The following RAC2 variants were observed in gnomAD, a reference collection of about 807,000 sequenced individuals.
RAC2 encodes the protein Rac family small GTPase 2, also known as ras-related C3 botulinum toxin substrate 2.
Under a neutral mutation model 24.0 loss-of-function variants are expected in RAC2, and 1 was observed. That is an observed-to-expected ratio of 0.04 (90% CI 0.01 to 0.20). The LOEUF is 0.20. RAC2 is among the 10% of genes least tolerant of loss of function. RAC2 has a pLI of 1.00. For missense variants in RAC2, 130 were observed against 259.1 expected, an observed-to-expected ratio of 0.50 and a Z score of 3.42; for synonymous variants, 114 against 106.8, an observed-to-expected ratio of 1.07 and a Z score of -0.41.
In RAC2 at chr22:37,231,203, A is replaced by AT; in HGVS notation, c.448+27dup. On this transcript the variant is annotated intron_variant, in intron 5 of 6. Transcript: ENST00000249071. The surrounding 1 kb of genome is among the most constrained non-coding windows in gnomAD (Gnocchi z 5.5). ...AAGTCAGGGCCTCCCCTGCAGCCAGATCGCCCCTCTGAGCCCGAGGCCCAT... is the reference window on the plus strand; with the variant it reads ...AAGTCAGGGCCTCCCCTGCAGCCAGATTCGCCCCTCTGAGCCCGAGGCCCAT... 1 of 1,612,352 alleles carries AT rather than the reference A, an allele frequency of 6.2e-7. No homozygotes were observed. Among genetic ancestry groups the AT allele is most frequent in the Non-Finnish European group, 8.5e-7 (1 of 1,179,884 alleles).
At chr22:37,226,862 A>C in intron 5 of RAC2, 59 bp from the exon 6 acceptor site, 1 of 1,597,314 alleles carries the variant, frequency 6.3e-7, no homozygotes, top group East Asian at 2.2e-5. Context: ...GTTCTGGGCC[A>C]ACATGTCTCC....
chr22:37,238,912 C>T (rs895141388), intron 2 of RAC2, among the ~76,000 whole-genome samples: 1 of 152,214 alleles, frequency 6.6e-6, no homozygotes, highest in Non-Finnish European at 1.5e-5. Context: ...TCATGGCTGG[C>T]AGCATGGGGA....
intron 5 of RAC2, among the ~76,000 whole-genome samples, chr22:37,228,224 G>A (rs1926944186): frequency 6.6e-6 from 1 of 152,188 alleles, no homozygotes; most frequent in South Asian, 2.1e-4. Context: ...GCCCAGCTGG[G>A]GGCCTTCTGG....
intron 5 of RAC2, 38 bp from the exon 6 acceptor site, chr22:37,226,841 TGG>T (rs751759377): frequency 0.14 from 219,365 of 1,591,980 alleles, 16,672 homozygotes; most frequent in East Asian, 0.28. Flanking sequence ...AAGGCCTAAG[TGG>T]CGGGGGGGGT....
intron 2 of RAC2, among the ~76,000 whole-genome samples, chr22:37,235,092 T>TA (rs1927185715): frequency 6.6e-6 from 1 of 152,096 alleles, no homozygotes; most frequent in Non-Finnish European, 1.5e-5. Flanking sequence ...GGAAGGGAAT[T>TA]AAACCACCTC....
At chr22:37,239,911 T>C (rs1259155251) in intron 2 of RAC2, among the ~76,000 whole-genome samples, 1 of 152,170 alleles carries the variant, frequency 6.6e-6, no homozygotes, top group Non-Finnish European at 1.5e-5. Flanking sequence ...CGTTTGATAG[T>C]TGATGGTGAG....
At chr22:37,230,777 G>A (rs1476114086) in intron 5 of RAC2, among the ~76,000 whole-genome samples, 1 of 152,090 alleles carries the variant, frequency 6.6e-6, no homozygotes, top group African/African-American at 2.4e-5. Flanking sequence ...CCTCCTCCAG[G>A]AAGCCTTCCC....
At chr22:37,236,236 A>G (rs1927218014) in intron 2 of RAC2, among the ~76,000 whole-genome samples, 1 of 152,160 alleles carries the variant, frequency 6.6e-6, no homozygotes, top group Admixed American at 6.5e-5. Context: ...AAGCAGTCTC[A>G]TTTTCCATGT....
At chr22:37,229,968 C>T (rs1279199646) in intron 5 of RAC2, among the ~76,000 whole-genome samples, 2 of 151,996 alleles carry the variant, frequency 1.3e-5, no homozygotes, top group East Asian at 3.9e-4. Flanking sequence ...AGGCCACAGG[C>T]TGGAGAGCTG....
At chr22:37,242,067 T>C (rs1927415031) in intron 1 of RAC2, among the ~76,000 whole-genome samples, 1 of 152,214 alleles carries the variant, frequency 6.6e-6, no homozygotes, top group African/African-American at 2.4e-5. Flanking sequence ...GACAAGTCAC[T>C]TAACCTGCCT....
chr22:37,234,664 C>A (rs1453484653), intron 2 of RAC2, among the ~76,000 whole-genome samples: 1 of 152,178 alleles, frequency 6.6e-6, no homozygotes, highest in Non-Finnish European at 1.5e-5. Flanking sequence ...CTCACACTGC[C>A]CACCTCCCTG....
At chr22:37,240,831 G>A (rs962758193) in intron 2 of RAC2, 1 of 591,894 alleles carries the variant, frequency 1.7e-6, no homozygotes, top group Admixed American at 2.9e-5. Flanking sequence ...AAAGCACTAT[G>A]GGGAGAGAGA....
At chr22:37,234,176 C>A (rs945573779) in intron 2 of RAC2, among the ~76,000 whole-genome samples, 2 of 152,264 alleles carry the variant, frequency 1.3e-5, no homozygotes. Context: ...CCTGCCCCCA[C>A]AGCTGGCGGA....
chr22:37,227,704 C>A lies in RAC2; in HGVS notation c.449-901G>T, dbSNP rs376371247. On this transcript the variant is annotated intron_variant, in intron 5 of 6. Coordinates refer to ENST00000249071, the MANE Select transcript of RAC2 (RefSeq NM_002872.5). Reference sequence around the variant, plus strand: ...ATACACCCCTCCATGCCGTACACCCCCTCCCAAGCCATACAACTGAACACC... The same window carrying A: ...ATACACCCCTCCATGCCGTACACCCACTCCCAAGCCATACAACTGAACACC... Among the ~76,000 whole-genome samples the A allele has an allele frequency of 3.3e-5, 5 of 149,872 alleles. No individual in the cohort carries two copies. In the East Asian group the frequency reaches 5.9e-4, roughly 18 times the overall value.
intron 3 of RAC2, 66 bp from the exon 4 acceptor site, chr22:37,232,060 C>T (rs749434290): frequency 1.6e-4 from 249 of 1,509,624 alleles, no homozygotes; most frequent in Middle Eastern, 6.9e-4. Flanking sequence ...TGGCAGCCAC[C>T]GAGAGGTGGA....
At chr22:37,230,370 T>A (rs1927020984) in intron 5 of RAC2, among the ~76,000 whole-genome samples, 1 of 151,994 alleles carries the variant, frequency 6.6e-6, no homozygotes, top group African/African-American at 2.4e-5. Flanking sequence ...AGGGCACAGC[T>A]CATATGACCA....
At chr22:37,243,891 C>T (rs1017566545) in intron 1 of RAC2, among the ~76,000 whole-genome samples, 5 of 152,200 alleles carry the variant, frequency 3.3e-5, no homozygotes, top group African/African-American at 9.6e-5. Context: ...CACCCTCCAC[C>T]GAGATGGCTT....
At position 37,225,444 on chromosome 22, in the gene RAC2, C is replaced by A. The variant is rs1044163499; in HGVS notation, c.*598G>T. ...AAGAAATGGCAGGGGCTGGTTGAACCCAGATTTTCCATTGGCTGAGCAGAT... is the reference window on the plus strand; with the variant it reads ...AAGAAATGGCAGGGGCTGGTTGAACACAGATTTTCCATTGGCTGAGCAGAT... On this transcript the variant is annotated 3_prime_UTR_variant, in exon 7 of 7. Coordinates refer to ENST00000249071, the MANE Select transcript of RAC2 (RefSeq NM_002872.5). 6.6e-6 allele frequency: 1 copy of A among 152,130 alleles called. No homozygotes were observed. The highest frequency in any genetic ancestry group is 2.4e-5 in the African/African-American group (1 of 41,398). The allele number at this position is 152,130 out of a possible 1,614,324, so 9.4% of individuals were successfully genotyped here.
intron 2 of RAC2, 69 bp downstream of exon 2, chr22:37,241,518 G>A (rs1038291824): frequency 8.6e-6 from 13 of 1,505,992 alleles, no homozygotes; most frequent in Non-Finnish European, 1.2e-5. Flanking sequence ...GGAAGTGCCT[G>A]AAAGGGGGGT....
Sources: gnomAD v4.1 joint callset for allele counts (sites outside exome capture counted in the v4.1 genomes callset) on GRCh38, gnomAD v4.1.1 for gene constraint, Gnocchi (gnomAD v3.1) non-coding constraint, MANE v1.5 for transcripts, NCBI Gene and HGNC (gene_info 2026-07-23, HGNC 2026-07-21) for gene names.